Variants in ABCA7 observed in about 807,000 individuals in gnomAD.
ABCA7 encodes the protein ATP binding cassette subfamily A member 7.
A neutral mutation model predicts 227.6 loss-of-function variants in ABCA7; 261 were observed. The ratio of observed to expected loss-of-function variants is 1.15; its 90% confidence interval spans 1.04 to 1.27. The LOEUF is 1.27. ABCA7 is among the 50% of genes most tolerant of loss of function. The pLI is 0.00. For missense variants in ABCA7, 3,331 were observed against 2,924.5 expected (o/e 1.14, Z -3.21); for synonymous variants, 1,488 against 1,279.7 (o/e 1.16, Z -3.47).
At chr19:1,063,971 G>A in intron 44 of ABCA7, 108 bp downstream of exon 44, 1 of 1,406,244 alleles carries the variant, frequency 7.1e-7, no homozygotes, top group Non-Finnish European at 9.4e-7. Flanking sequence ...CCCTAGTGGG[G>A]CGAGGGCGCC....
intron 7 of ABCA7, 89 bp from the exon 8 acceptor site, chr19:1,042,952 G>T: frequency 2.0e-6 from 3 of 1,515,842 alleles, no homozygotes; most frequent in Non-Finnish European, 2.7e-6. Flanking sequence ...GACAGCGAGA[G>T]GGAGAGGCTG....
Position 1,048,921 on chromosome 19 carries a change from A to T in ABCA7, c.2296A>T (p.Asn766Tyr). 2 of 1,608,998 alleles carry T rather than the reference A, an allele frequency of 1.2e-6. No individual in the cohort carries two copies. The highest frequency in any genetic ancestry group is 1.7e-6 in the Non-Finnish European group (2 of 1,178,132). ...CCAGTACGGGATCCCTGAACCATGG[A>T]ATTTTCCTTTTCGGAGGAGCTACTG... ...PGQYGIPEPW[N>Y]FPFRRSYWCG... Residue 766 changes from asparagine to tyrosine, a missense_variant, in exon 17 of 47, where the codon AAT (asparagine) becomes TAT (tyrosine). Coordinates refer to ENST00000263094, the MANE Select transcript of ABCA7 (RefSeq NM_019112.4).
chr19:1,045,592 C>G, intron 12 of ABCA7: 1 of 250,942 alleles, frequency 4.0e-6, no homozygotes, highest in Non-Finnish European at 7.8e-6. Flanking sequence ...CTTTGGGAGG[C>G]CAAAGTGGGA....
intron 16 of ABCA7, 61 bp downstream of exon 16, chr19:1,047,715 AG>A (rs996210098): frequency 8.3e-7 from 1 of 1,206,422 alleles, no homozygotes; most frequent in Non-Finnish European, 1.1e-6. Context: ...AGGCTGAGCT[AG>A]GGGTGTGGCC....
At chr19:1,061,413 G>A (rs867508569) in intron 40 of ABCA7, among the ~76,000 whole-genome samples, 1,327 of 107,130 alleles carry the variant, frequency 0.012, 25 homozygotes, top group African/African-American at 0.067. Flanking sequence ...AAAAAAAAAA[G>A]AGGCTGGGTG....
At chr19:1,052,379 G>A in intron 23 of ABCA7, 93 bp downstream of exon 23, 2 of 925,398 alleles carry the variant, frequency 2.2e-6, no homozygotes, top group Non-Finnish European at 1.5e-6. Context: ...AAGAGGAGGA[G>A]GAGGGGGAGG....
chr19:1,048,193 A>T (rs1315628422), intron 16 of ABCA7, among the ~76,000 whole-genome samples: 55 of 27,204 alleles, frequency 2.0e-3, no homozygotes, highest in African/African-American at 3.5e-3. Flanking sequence ...CATCTCTTTA[A>T]AAAAAAAAAA....
intron 30 of ABCA7, 31 bp downstream of exon 30, chr19:1,055,382 G>A: frequency 6.5e-7 from 1 of 1,535,852 alleles, no homozygotes; most frequent in Non-Finnish European, 8.7e-7. Context: ...CAGTTTCCCT[G>A]GCTATAGCAT....
intron 18 of ABCA7, 79 bp downstream of exon 18, chr19:1,049,516 G>GCAC (rs2041206543): frequency 3.0e-5 from 2 of 66,118 alleles, no homozygotes; most frequent in African/African-American, 8.9e-4. Flanking sequence ...CTCCCCGTGA[G>GCAC]CCCCCCACCA....
rs761236737 is a variant in ABCA7, at chr19:1,065,110, C to T, written c.6224C>T (p.Ala2075Val). The change falls in exon 46 of 47, where the codon GCG becomes GTG. Residue 2075 changes from alanine (A) to valine (V), a missense_variant. By Grantham distance (64) the Ala-to-Val change is moderately conservative. Transcript: ENST00000263094. ...CALARVFGEL[A>V]VHGAEHGVED... is the part of the protein sequence containing the mutation. ...CTGGCGCGCGTCTTTGGAGAGCTGG[C>T]GGTGCACGGCGCAGAGCACGGCGTG... 1.6e-5 allele frequency: 26 copies of T among 1,586,630 alleles called. No homozygotes were observed. The highest frequency in any genetic ancestry group is 4.5e-5 in the South Asian group (4 of 88,338).
In ABCA7 at chr19:1,047,778, G is replaced by A. The variant is rs555391212; in HGVS notation, c.2269+124G>A. ...GCTTATTCCCTTGGAGAGAAGGCGG[G>A]GCTTCTTGGCACACGCATGCAGGTG... On this transcript the variant is annotated intron_variant, in intron 16 of 46. Coordinates refer to ENST00000263094, the MANE Select transcript of ABCA7 (RefSeq NM_019112.4). 3.8e-5 allele frequency: 44 copies of A among 1,154,172 alleles called. No homozygotes were observed. In the African/African-American group the frequency reaches 6.6e-4, roughly 17 times the overall value. 71.5% of individuals were successfully genotyped at this position (1,154,172 alleles called of 1,614,324 possible).
chr19:1,064,783 G>A, intron 45 of ABCA7, 148 bp from the exon 46 acceptor site: 2 of 1,304,594 alleles, frequency 1.5e-6, no homozygotes, highest in South Asian at 1.6e-5. Flanking sequence ...CGGGCGGGGG[G>A]TGGCGGGGGA....
chr19:1,065,458 C>CT lies in ABCA7; in HGVS notation c.*34dup. 2 of 1,610,062 alleles carry CT rather than the reference C, an allele frequency of 1.2e-6. No individual in the cohort carries two copies. The highest frequency in any genetic ancestry group is 1.7e-6 in the Non-Finnish European group (2 of 1,177,966). ...TCCCCTGCGGGGCCGCGGGGAGGCC[C>CT]TGGGAATGGCAAGGGCAAGGTAGAG... is the stretch of plus-strand genomic sequence containing the variant. On this transcript the variant is annotated 3_prime_UTR_variant, in exon 47 of 47. Coordinates refer to ENST00000263094, the MANE Select transcript of ABCA7 (RefSeq NM_019112.4).
chr19:1,046,938 A>C lies in ABCA7; in HGVS notation c.1759A>C (p.Ser587Arg). 1 of 1,565,284 alleles carries C rather than the reference A, an allele frequency of 6.4e-7. No homozygotes were observed. Among genetic ancestry groups the C allele is most frequent in the Non-Finnish European group, 8.6e-7 (1 of 1,163,960 alleles). ...LRDTMRAMGLSRAVLWLGWFL... is the reference protein window; with the variant it reads ...LRDTMRAMGLRRAVLWLGWFL... The stretch of plus-strand genomic sequence containing the variant: ...GGACACCATGCGCGCCATGGGGCTC[A>C]GCCGCGCGGTGCTCTGGCTAGGCTG... The change falls in exon 14 of 47, where the codon AGC (serine) becomes CGC (arginine). Residue 587 changes from serine to arginine, a missense_variant. Transcript: ENST00000263094.
In ABCA7 at chr19:1,042,842, C is replaced by A; in HGVS notation, c.579+16C>A. 6.4e-7 allele frequency: 1 copy of A among 1,559,976 alleles called. No homozygotes were observed. ...GGCCCAGGAGGTACGAGGCCCCACT[C>A]ATCCTCAACCCCCATGGAGGCAACG... On this transcript the variant is annotated intron_variant, in intron 7 of 46. Coordinates refer to ENST00000263094, the MANE Select transcript of ABCA7 (RefSeq NM_019112.4).
Position 1,047,315 on chromosome 19 carries a change from C to T in ABCA7, c.2004C>T (p.Tyr668=). The part of the protein sequence containing the change: ...ACGGLAYFSL[Y]LPYVLCVAWR... ...GCGGCCTGGCCTACTTCTCCCTCTACCTGCCCTACGTGCTGTGTGTGGCTT... is the reference window on the plus strand; with the variant it reads ...GCGGCCTGGCCTACTTCTCCCTCTATCTGCCCTACGTGCTGTGTGTGGCTT... Residue 668 remains tyrosine, a synonymous_variant, in exon 15 of 47, where the codon TAC becomes TAT. Coordinates refer to ENST00000263094, the MANE Select transcript of ABCA7 (RefSeq NM_019112.4). 6.2e-7 allele frequency: 1 copy of T among 1,603,350 alleles called. No homozygotes were observed. Among genetic ancestry groups the T allele is most frequent in the South Asian group, 1.1e-5 (1 of 90,740 alleles).
rs150971192 is a variant in ABCA7 at position 1,046,288 on chromosome 19, G to A, written c.1504G>A (p.Gly502Ser). ...GACCGACCTGCGCTACGTGTGGGGC[G>A]GCTTCGTGTACCTGCAAGACCTGGT... ...PLTDLRYVWG[G>S]FVYLQDLVER... Residue 502 changes from glycine (G) to serine (S), a missense_variant, in exon 13 of 47, where the codon GGC (glycine) becomes AGC (serine). Physicochemically the swap from Gly to Ser is moderately conservative, Grantham distance 56 (BLOSUM62 0). Coordinates refer to ENST00000263094, the MANE Select transcript of ABCA7 (RefSeq NM_019112.4). 1.4e-5 allele frequency: 23 copies of A among 1,606,082 alleles called. No homozygotes were observed. Among genetic ancestry groups the A allele is most frequent in the African/African-American group, 1.3e-4 (10 of 74,918 alleles).
At position 1,047,487 on chromosome 19, in the gene ABCA7, G is replaced by T. The variant is rs912459006; in HGVS notation, c.2102G>T (p.Cys701Phe). The T allele has an allele frequency of 1.3e-6, 2 of 1,571,054 alleles. No homozygotes were observed. The highest frequency in any genetic ancestry group is 2.7e-5 in the African/African-American group (2 of 74,332). Reference protein sequence around the residue: ...LLSPVAFGFGCESLALLEEQG... With the variant: ...LLSPVAFGFGFESLALLEEQG... ...TCGCCCGTGGCCTTCGGCTTCGGCTGCGAGAGCCTGGCTCTGCTGGAGGAG... is the reference window on the plus strand; with the variant it reads ...TCGCCCGTGGCCTTCGGCTTCGGCTTCGAGAGCCTGGCTCTGCTGGAGGAG... Residue 701 changes from cysteine to phenylalanine, a missense_variant, in exon 16 of 47, where the codon TGC (cysteine) becomes TTC (phenylalanine). Coordinates refer to ENST00000263094, the MANE Select transcript of ABCA7 (RefSeq NM_019112.4).
At chr19:1,048,015 C>G (rs1238465040) in intron 16 of ABCA7, among the ~76,000 whole-genome samples, 1 of 151,758 alleles carries the variant, frequency 6.6e-6, no homozygotes, top group Non-Finnish European at 1.5e-5. Flanking sequence ...ATAGTGAGAC[C>G]TCATCAATAC....
Sources: allele counts gnomAD v4.1 joint callset (sites outside exome capture counted in the v4.1 genomes callset), GRCh38; gene constraint gnomAD v4.1.1; transcripts MANE v1.5; gene names NCBI Gene and HGNC (gene_info 2026-07-23, HGNC 2026-07-21).